Variants in PPIB observed in about 807,000 individuals in gnomAD.
The protein encoded by PPIB is peptidylprolyl isomerase B.
Under a neutral mutation model 20.1 loss-of-function variants are expected in PPIB, and 15 were observed. The observed-to-expected ratio is 0.75, with a 90% CI of 0.50 to 1.15. PPIB has a LOEUF of 1.15. PPIB is among the 50% of genes most tolerant of loss of function. PPIB has a pLI of 0.00. For synonymous variants in PPIB, 129 were observed against 111.0 expected, an observed-to-expected ratio of 1.16 and a Z score of -1.02; for missense variants, 278 against 283.0, an observed-to-expected ratio of 0.98 and a Z score of 0.13.
rs1199194019 is a variant in PPIB at position 64,157,088 on chromosome 15, C to CT, written c.344-180dup. On this transcript the variant is annotated intron_variant, in intron 3 of 4. Transcript: ENST00000300026. This position sits in a 1 kb window ranked among gnomAD's most constrained non-coding sequence, Gnocchi z 4.2. ...TGGCCTCAGAGCCAAGCCATGCTGACTGAGGCCAAGTGGGGCATCAGGCCA... is the reference window on the plus strand; with the variant it reads ...TGGCCTCAGAGCCAAGCCATGCTGACTTGAGGCCAAGTGGGGCATCAGGCCA... The CT allele has an allele frequency of 4.5e-6, 3 of 662,316 alleles. No individual in the cohort carries two copies. The highest frequency in any genetic ancestry group is 7.7e-6 in the Non-Finnish European group (3 of 391,920). 41.0% of individuals were successfully genotyped at this position (662,316 alleles called of 1,614,324 possible).
At position 64,156,665 on chromosome 15, in the gene PPIB, G is replaced by A. The variant is rs1323991636; in HGVS notation, c.528+60C>T. 1.3e-6 allele frequency: 2 copies of A among 1,594,948 alleles called. No homozygotes were observed. Among genetic ancestry groups the A allele is most frequent in the Non-Finnish European group, 1.7e-6 (2 of 1,162,794 alleles). ...TGGACACATGGAGCTCCTGCCCTGG[G>A]GTCTGTGTTGAATCCCCGGTGAGGA... On this transcript the variant is annotated intron_variant, in intron 4 of 4. Coordinates refer to ENST00000300026, the MANE Select transcript of PPIB (RefSeq NM_000942.5). This position sits in a 1 kb window ranked among gnomAD's most constrained non-coding sequence, Gnocchi z 6.4.
rs2081546037 is a variant in PPIB at position 64,158,177 on chromosome 15, C to T, written c.344-1268G>A. Among the ~76,000 whole-genome samples the T allele has an allele frequency of 6.6e-6, 1 of 152,234 alleles. No homozygotes were observed. The highest frequency in any genetic ancestry group is 2.4e-5 in the African/African-American group (1 of 41,464). ...CTCAGTTATTCTTTTGACCCCTTTTCCTCTGCACGTGGCTCAGGTTGTCCC... is the reference window on the plus strand; with the variant it reads ...CTCAGTTATTCTTTTGACCCCTTTTTCTCTGCACGTGGCTCAGGTTGTCCC... On this transcript the variant is annotated intron_variant, in intron 3 of 4. Transcript: ENST00000300026. The surrounding 1 kb of genome is among the most constrained non-coding windows in gnomAD (Gnocchi z 4.7).
Position 64,160,021 on chromosome 15 carries a change from G to T in PPIB, c.343+83C>A. ...GCCTCTAGAGCTGGGGAAGAAAGAG[G>T]CCTGGTCTCCCCAGCAGAACCTGGC... On this transcript the variant is annotated intron_variant, in intron 3 of 4. Coordinates refer to ENST00000300026, the MANE Select transcript of PPIB (RefSeq NM_000942.5). The surrounding 1 kb of genome is among the most constrained non-coding windows in gnomAD (Gnocchi z 4.8). The T allele has an allele frequency of 8.3e-7, 1 of 1,203,264 alleles. No individual in the cohort carries two copies. The highest frequency in any genetic ancestry group is 1.2e-6 in the Non-Finnish European group (1 of 807,412). The allele number at this position is 1,203,264 out of a possible 1,614,324, so 74.5% of individuals were successfully genotyped here.
rs2081559578 is a variant in PPIB, at chr15:64,160,664, G to T, written c.250-467C>A. 2.0e-5 allele frequency among the ~76,000 whole-genome samples: 3 copies of T among 151,802 alleles called. No homozygotes were observed. Among genetic ancestry groups the T allele is most frequent in the Admixed American group, 2.0e-4 (3 of 15,234 alleles). ...TTTTAAATTTTATTATTATTTTTTT[G>T]AGACAGAGTTTCTCTCTTGTCACCC... On this transcript the variant is annotated intron_variant, in intron 2 of 4. Transcript: ENST00000300026. The surrounding 1 kb of genome is among the most constrained non-coding windows in gnomAD (Gnocchi z 4.8).
In PPIB at chr15:64,158,085, G is replaced by C. The variant is rs1567346030; in HGVS notation, c.344-1176C>G. Among the ~76,000 whole-genome samples, 1 of 152,156 alleles carries C rather than the reference G, an allele frequency of 6.6e-6. No homozygotes were observed. The highest frequency in any genetic ancestry group is 2.1e-4 in the South Asian group (1 of 4,830). On this transcript the variant is annotated intron_variant, in intron 3 of 4. Coordinates refer to ENST00000300026, the MANE Select transcript of PPIB (RefSeq NM_000942.5). The surrounding 1 kb of genome is among the most constrained non-coding windows in gnomAD (Gnocchi z 4.7). ...GCTCCAGCCACTCTCTCAAGATACAGGGGTTCCAAACTCAAATGGACATTT... is the reference window on the plus strand; with the variant it reads ...GCTCCAGCCACTCTCTCAAGATACACGGGTTCCAAACTCAAATGGACATTT...
In PPIB at chr15:64,156,831, G is replaced by T. The variant is rs921118137; in HGVS notation, c.422C>A (p.Ala141Asp). 9.3e-6 allele frequency: 15 copies of T among 1,614,158 alleles called. No individual in the cohort carries two copies. Among genetic ancestry groups the T allele is most frequent in the Non-Finnish European group, 1.3e-5 (15 of 1,180,020 alleles). The change falls in exon 4 of 5, where the codon GCC becomes GAC. Residue 141 changes from alanine to aspartate, a missense_variant. Ala to Asp is a moderately radical substitution (Grantham distance 126). Coordinates refer to ENST00000300026, the MANE Select transcript of PPIB (RefSeq NM_000942.5). This position sits in a 1 kb window ranked among gnomAD's most constrained non-coding sequence, Gnocchi z 6.4. ...GCCGTTGGTGTCTTTGCCTGCGTTG[G>T]CCATGCTCACCCAGCCAGGCCCGTA... ...KHYGPGWVSM[A>D]NAGKDTNGSQ... is the part of the protein sequence containing the mutation.
intron 1 of PPIB, 117 bp downstream of exon 1, chr15:64,162,735 G>GCCCA: frequency 6.7e-7 from 1 of 1,499,966 alleles, no homozygotes; most frequent in Non-Finnish European, 9.1e-7. Flanking sequence ...GGGCAGGACG[G>GCCCA]CCCAGACGCC....
chr15:64,158,451 C>T lies in PPIB; in HGVS notation c.344-1542G>A, dbSNP rs2081547663. Among the ~76,000 whole-genome samples, 1 of 152,246 alleles carries T rather than the reference C, an allele frequency of 6.6e-6. No homozygotes were observed. Among genetic ancestry groups the T allele is most frequent in the Non-Finnish European group, 1.5e-5 (1 of 68,046 alleles). On this transcript the variant is annotated intron_variant, in intron 3 of 4. Transcript: ENST00000300026. This position sits in a 1 kb window ranked among gnomAD's most constrained non-coding sequence, Gnocchi z 4.7. ...AGACCAAGGTGGTCTGCTCTCGAAT[C>T]TCTGCTCTCAGCCACCTCAGGATCA...
Position 64,156,965 on chromosome 15 carries a change from C to T in PPIB, c.344-56G>A. The T allele has an allele frequency of 1.3e-6, 2 of 1,571,132 alleles. No individual in the cohort carries two copies. Among genetic ancestry groups the T allele is most frequent in the East Asian group, 2.2e-5 (1 of 44,516 alleles). ...GCTGGATTGCGCCAAACCAAGCAGA[C>T]ATTCGGGGCCAGGACTGAGGGGGCT... is the stretch of plus-strand genomic sequence containing the variant. On this transcript the variant is annotated intron_variant, in intron 3 of 4. Coordinates refer to ENST00000300026, the MANE Select transcript of PPIB (RefSeq NM_000942.5). The surrounding 1 kb of genome is among the most constrained non-coding windows in gnomAD (Gnocchi z 6.4).
Position 64,160,363 on chromosome 15 carries a change from C to T in PPIB, c.250-166G>A, listed in dbSNP as rs28720182. Among the ~76,000 whole-genome samples the T allele has an allele frequency of 1.6e-3, 244 of 152,324 alleles. No homozygotes were observed. Among genetic ancestry groups the T allele is most frequent in the African/African-American group, 5.8e-3 (240 of 41,574 alleles). On this transcript the variant is annotated intron_variant, in intron 2 of 4. Transcript: ENST00000300026. The surrounding 1 kb of genome is among the most constrained non-coding windows in gnomAD (Gnocchi z 4.8). ...CTACTAAGTGAGCGGGCAGGCGCCA[C>T]AGGACAGGCATGGTACACACAGATG...
At position 64,160,045 on chromosome 15, in the gene PPIB, G is replaced by A. The variant is rs777778835; in HGVS notation, c.343+59C>T. 1 of 1,426,180 alleles carries A rather than the reference G, an allele frequency of 7.0e-7. No individual in the cohort carries two copies. Among genetic ancestry groups the A allele is most frequent in the East Asian group, 2.3e-5 (1 of 44,014 alleles). The allele number at this position is 1,426,180 out of a possible 1,614,324, so 88.3% of individuals were successfully genotyped here. On this transcript the variant is annotated intron_variant, in intron 3 of 4. Coordinates refer to ENST00000300026, the MANE Select transcript of PPIB (RefSeq NM_000942.5). This position sits in a 1 kb window ranked among gnomAD's most constrained non-coding sequence, Gnocchi z 4.8. ...GGCCTGGTCTCCCCAGCAGAACCTG[G>A]CCCTCCCACTGTGGAGGCTACACTG...
At position 64,157,267 on chromosome 15, in the gene PPIB, G is replaced by A. The variant is rs1430763574; in HGVS notation, c.344-358C>T. On this transcript the variant is annotated intron_variant, in intron 3 of 4. Transcript: ENST00000300026. The surrounding 1 kb of genome is among the most constrained non-coding windows in gnomAD (Gnocchi z 4.2). ...GGGAAGTGCCGTGCAGGATGCAGGG[G>A]AGTCAACAGGGTCGGAACTCTCCAG... 4 of 316,456 alleles carry A rather than the reference G, an allele frequency of 1.3e-5. No homozygotes were observed. Among genetic ancestry groups the A allele is most frequent in the Non-Finnish European group, 1.8e-5 (3 of 165,884 alleles). The allele number at this position is 316,456 out of a possible 1,614,324, so 19.6% of individuals were successfully genotyped here. A position where few individuals can be genotyped will look rare whatever the true frequency, so the allele number is the denominator to read the frequency against.
chr15:64,160,140 G>A lies in PPIB; in HGVS notation c.307C>T (p.Gln103Ter), dbSNP rs1181603280. 6.2e-7 allele frequency: 1 copy of A among 1,614,064 alleles called. No homozygotes were observed. Residue 103 changes from glutamine (Q) to a stop codon, truncating the protein, a stop_gained, in exon 3 of 5, where the codon CAG becomes TAG. Coordinates refer to ENST00000300026, the MANE Select transcript of PPIB (RefSeq NM_000942.5). LOFTEE classifies it high-confidence loss of function. This position sits in a 1 kb window ranked among gnomAD's most constrained non-coding sequence, Gnocchi z 4.8. The stretch of plus-strand genomic sequence containing the variant: ...TCTCCCCTGGTGAAGTCTCCGCCCT[G>A]GATCATGAAGTCCTTGATTACACGA... Reference protein sequence around the residue: ...FHRVIKDFMIQGGDFTRGDGT... With the variant: ...FHRVIKDFMI
chr15:64,159,250 G>A lies in PPIB; in HGVS notation c.343+854C>T, dbSNP rs2140182812. On this transcript the variant is annotated intron_variant, in intron 3 of 4. Coordinates refer to ENST00000300026, the MANE Select transcript of PPIB (RefSeq NM_000942.5). This position sits in a 1 kb window ranked among gnomAD's most constrained non-coding sequence, Gnocchi z 5.1. ...ATCGAGGAGTGAGCTGTGTTCTAAG[G>A]GAGCAGCAGGCTGTACCTGAGCTCA... 1 of 152,454 alleles carries A rather than the reference G, an allele frequency of 6.6e-6. No individual in the cohort carries two copies. The highest frequency in any genetic ancestry group is 2.1e-4 in the South Asian group (1 of 4,830). The allele number at this position is 152,454 out of a possible 1,614,324, so 9.4% of individuals were successfully genotyped here.
chr15:64,157,035 A>G lies in PPIB; in HGVS notation c.344-126T>C, dbSNP rs556783576. On this transcript the variant is annotated intron_variant, in intron 3 of 4. Coordinates refer to ENST00000300026, the MANE Select transcript of PPIB (RefSeq NM_000942.5). The surrounding 1 kb of genome is among the most constrained non-coding windows in gnomAD (Gnocchi z 4.2). ...GGCTAGGCTGGAGTGGACTACAAGG[A>G]CATAAAAGCAGCGTCCTTCCTATCT... 2 of 1,022,088 alleles carry G rather than the reference A, an allele frequency of 2.0e-6. No homozygotes were observed. Among genetic ancestry groups the G allele is most frequent in the South Asian group, 1.6e-5 (1 of 63,090 alleles). The allele number at this position is 1,022,088 out of a possible 1,614,324, so 63.3% of individuals were successfully genotyped here.
intron 1 of PPIB, among the ~76,000 whole-genome samples, 199 bp downstream of exon 1, chr15:64,162,653 C>T (rs1349892287): frequency 6.6e-6 from 1 of 152,204 alleles, no homozygotes; most frequent in Non-Finnish European, 1.5e-5. Context: ...ATCCGGGGAT[C>T]CAACTAACTC....
Position 64,156,222 on chromosome 15 carries a change from G to T in PPIB, c.529-77C>A. ...GCTCAGGAGAAAGGCCCCAGCGTAT[G>T]GCTCAGGAGGGCTAAGACCCACAAG... On this transcript the variant is annotated intron_variant, in intron 4 of 4. Transcript: ENST00000300026. This position sits in a 1 kb window ranked among gnomAD's most constrained non-coding sequence, Gnocchi z 6.4. 6.4e-7 allele frequency: 1 copy of T among 1,566,312 alleles called. No homozygotes were observed.
rs569225442 is a variant in PPIB at position 64,161,358 on chromosome 15, C to T, written c.249+683G>A. The stretch of plus-strand genomic sequence containing the variant: ...GCATGAACATGGCTCACTGCAACCT[C>T]CATTTCACTTCAGCCTCCTGAGTAG... On this transcript the variant is annotated intron_variant, in intron 2 of 4. Coordinates refer to ENST00000300026, the MANE Select transcript of PPIB (RefSeq NM_000942.5). This position sits in a 1 kb window ranked among gnomAD's most constrained non-coding sequence, Gnocchi z 4.2. Among the ~76,000 whole-genome samples, 44 of 152,142 alleles carry T rather than the reference C, an allele frequency of 2.9e-4. No individual in the cohort carries two copies. The highest frequency in any genetic ancestry group is 1.0e-3 in the African/African-American group (42 of 41,498).
chr15:64,156,580 G>T lies in PPIB; in HGVS notation c.528+145C>A. 2.0e-6 allele frequency: 2 copies of T among 1,024,120 alleles called. No homozygotes were observed. The highest frequency in any genetic ancestry group is 3.1e-6 in the Non-Finnish European group (2 of 649,628). The allele number at this position is 1,024,120 out of a possible 1,614,324, so 63.4% of individuals were successfully genotyped here. A position where few individuals can be genotyped will look rare whatever the true frequency, so the allele number is the denominator to read the frequency against. On this transcript the variant is annotated intron_variant, in intron 4 of 4. Coordinates refer to ENST00000300026, the MANE Select transcript of PPIB (RefSeq NM_000942.5). This position sits in a 1 kb window ranked among gnomAD's most constrained non-coding sequence, Gnocchi z 6.4. ...AACCTTGGAGGCATGGAGGTACAGG[G>T]TTTATTCTGGACAGGAGCACTGGGC...
Sources: gnomAD v4.1 joint callset for allele counts (sites outside exome capture counted in the v4.1 genomes callset) on GRCh38, gnomAD v4.1.1 for gene constraint, Gnocchi (gnomAD v3.1) non-coding constraint, MANE v1.5 for transcripts, NCBI Gene and HGNC (gene_info 2026-07-23, HGNC 2026-07-21) for gene names.